Variants in PTPRO observed in about 807,000 individuals in gnomAD.
PTPRO encodes receptor-type tyrosine-protein phosphatase O.
In PTPRO, 62 loss-of-function variants were observed where a neutral mutation model predicts 145.2. The observed-to-expected ratio is 0.43, with a 90% CI of 0.35 to 0.53. The LOEUF (loss-of-function observed/expected upper bound fraction) is 0.53, where lower values mean the gene tolerates loss of function less well. Among genes scored for constraint, PTPRO ranks in the 20% least tolerant of loss-of-function variants. PTPRO has a pLI of 0.01. For missense variants in PTPRO, 1,345 were observed against 1,482.7 expected (o/e 0.91, Z 1.53); for synonymous variants, 565 against 514.7 (o/e 1.10, Z -1.32).
chr12:15,406,502 A>G (rs1238768025), intron 1 of PTPRO, among the ~76,000 whole-genome samples: 6 of 152,162 alleles, frequency 3.9e-5, no homozygotes, highest in Non-Finnish European at 7.3e-5. Context: ...ATTAATTTCC[A>G]TAGTGATTTT....
intron 1 of PTPRO, chr12:15,348,352 A>C (rs564731211): frequency 1.3e-5 from 2 of 152,424 alleles, no homozygotes; most frequent in South Asian, 4.1e-4. Flanking sequence ...GTATGCAGGC[A>C]GTCTCTAGAA....
chr12:15,528,869 T>A (rs1591690813), intron 12 of PTPRO, among the ~76,000 whole-genome samples: 1 of 151,974 alleles, frequency 6.6e-6, no homozygotes, highest in African/African-American at 2.4e-5. Flanking sequence ...TTTACAGTGC[T>A]CAAAGAAAAA....
chr12:15,497,157 G>A, intron 2 of PTPRO, 88 bp from the exon 3 acceptor site: 5 of 1,209,722 alleles, frequency 4.1e-6, no homozygotes, highest in Admixed American at 3.4e-5. Flanking sequence ...ATTTCTGGTA[G>A]GTGTAATCCT....
At chr12:15,397,393 G>A (rs996595251) in intron 1 of PTPRO, among the ~76,000 whole-genome samples, 1 of 152,044 alleles carries the variant, frequency 6.6e-6, no homozygotes, top group Non-Finnish European at 1.5e-5. Context: ...CAATACAACC[G>A]AGAAGTTAGA....
At chr12:15,572,109 G>GT (rs1212509502) in intron 19 of PTPRO, among the ~76,000 whole-genome samples, 1 of 152,068 alleles carries the variant, frequency 6.6e-6, no homozygotes, top group African/African-American at 2.4e-5. Flanking sequence ...TAAAAAATAT[G>GT]TTTTTTTCTT....
chr12:15,507,448 A>AATAAATAC (rs1163026883), intron 6 of PTPRO, among the ~76,000 whole-genome samples: 1 of 50,910 alleles, frequency 2.0e-5, no homozygotes, highest in Non-Finnish European at 5.2e-5. Context: ...TAAATAAATA[A>AATAAATAC]ATAAGGAATG....
chr12:15,370,742 A>C (rs1006936914), intron 1 of PTPRO, among the ~76,000 whole-genome samples: 1 of 152,216 alleles, frequency 6.6e-6, no homozygotes, highest in African/African-American at 2.4e-5. Context: ...AAATATGCAT[A>C]TATTTAATCT....
intron 15 of PTPRO, among the ~76,000 whole-genome samples, chr12:15,556,842 C>T (rs908255961): frequency 1.3e-5 from 2 of 151,772 alleles, no homozygotes; most frequent in Non-Finnish European, 1.5e-5. Context: ...AATATTATAC[C>T]CCAAATAGTT....
intron 12 of PTPRO, among the ~76,000 whole-genome samples, chr12:15,530,479 C>G (rs1399904622): frequency 1.3e-5 from 2 of 152,152 alleles, no homozygotes; most frequent in Non-Finnish European, 1.5e-5. Flanking sequence ...TCTTAGGACA[C>G]AAAACAGGTC....
intron 1 of PTPRO, among the ~76,000 whole-genome samples, chr12:15,466,556 G>A (rs1041154402): frequency 2.0e-5 from 3 of 152,148 alleles, no homozygotes; most frequent in African/African-American, 7.2e-5. Flanking sequence ...TGCATTAAAT[G>A]TAATTTCCAC....
chr12:15,452,202 G>T (rs1941064333), intron 1 of PTPRO, among the ~76,000 whole-genome samples: 1 of 152,096 alleles, frequency 6.6e-6, no homozygotes, highest in Non-Finnish European at 1.5e-5. Flanking sequence ...GTCATTCAAA[G>T]TTACTATGAA....
At chr12:15,440,493 C>T (rs1400673643) in intron 1 of PTPRO, 15 of 181,442 alleles carry the variant, frequency 8.3e-5, no homozygotes, top group Middle Eastern at 2.3e-3. Context: ...ACCCATCTTA[C>T]GTGTAAAGAC....
intron 1 of PTPRO, among the ~76,000 whole-genome samples, chr12:15,384,338 GTC>G (rs1334392396): frequency 1.2e-4 from 18 of 152,246 alleles, no homozygotes; most frequent in African/African-American, 4.3e-4. Flanking sequence ...TTAGGTCACT[GTC>G]TTAGTTAGTT....
rs777969246 is a variant in PTPRO, at chr12:15,484,168, C to T, written c.270C>T (p.Gly90=). The T allele has an allele frequency of 6.2e-7, 1 of 1,613,488 alleles. No homozygotes were observed. Among genetic ancestry groups the T allele is most frequent in the Non-Finnish European group, 8.5e-7 (1 of 1,179,694 alleles). Residue 90 remains glycine, a synonymous_variant, in exon 2 of 27, where the codon GGC becomes GGT. Transcript: ENST00000281171. ...TTATTTTCAAGGCCAGTTATCATGG[C>T]CTTTATTATATAATCACTCTGGTAG... The part of the protein sequence containing the change: ...PPVIFKASYH[G]LYYIITLVVV...
chr12:15,517,205 G>T, intron 9 of PTPRO: 2 of 551,438 alleles, frequency 3.6e-6, no homozygotes, highest in Non-Finnish European at 6.5e-6. Flanking sequence ...AAGGCAAGGA[G>T]GAGCAAGTCA....
intron 1 of PTPRO, among the ~76,000 whole-genome samples, chr12:15,349,778 T>C (rs188610435): frequency 2.9e-4 from 44 of 152,282 alleles, no homozygotes; most frequent in Non-Finnish European, 5.1e-4. Context: ...GGAATCAATA[T>C]AAGAAGACAG....
intron 1 of PTPRO, among the ~76,000 whole-genome samples, chr12:15,388,677 C>T (rs1401306913): frequency 3.3e-5 from 5 of 152,138 alleles, no homozygotes; most frequent in Non-Finnish European, 7.4e-5. Context: ...TAATGTAAAT[C>T]TAGTGACAAT....
intron 12 of PTPRO, among the ~76,000 whole-genome samples, chr12:15,534,829 T>G (rs1006043722): frequency 6.6e-6 from 1 of 152,194 alleles, no homozygotes; most frequent in African/African-American, 2.4e-5. Flanking sequence ...GATTATTGTA[T>G]CAACAATGAA....
chr12:15,524,168 A>AAC (rs1942787474), intron 10 of PTPRO, among the ~76,000 whole-genome samples: 1 of 151,694 alleles, frequency 6.6e-6, no homozygotes, highest in Non-Finnish European at 1.5e-5. Flanking sequence ...AAAAAAAAAA[A>AAC]AAAAAAAAAC....
Sources: allele counts gnomAD v4.1 joint callset (sites outside exome capture counted in the v4.1 genomes callset), GRCh38; gene constraint gnomAD v4.1.1; transcripts MANE v1.5; gene names NCBI Gene and HGNC (gene_info 2026-07-23, HGNC 2026-07-21).